The following STRN3 variants were observed in gnomAD, a reference collection of about 807,000 sequenced individuals.
The protein encoded by STRN3 is striatin-3.
In STRN3, 29 loss-of-function variants were observed where a neutral mutation model predicts 95.6. The observed-to-expected ratio is 0.30, with a 90% CI of 0.23 to 0.41. The LOEUF is 0.41. Among genes scored for constraint, STRN3 ranks in the 10% least tolerant of loss-of-function variants. The pLI is 1.00. For synonymous variants in STRN3, 331 were observed against 357.6 expected (o/e 0.93, Z 0.84); for missense variants, 890 against 972.1 (o/e 0.92, Z 1.12).
rs1268533628 is a variant in STRN3 at position 30,960,093 on chromosome 14, T to TG, written c.283-3852dup. ...AGATGGGCCGAGTACAGGGGGCTCA[T>TG]GCCTATAATCCTAGCACTCTGGGAG... On this transcript the variant is annotated intron_variant, in intron 1 of 17. Transcript: ENST00000357479. Among the ~76,000 whole-genome samples, 18 of 152,178 alleles carry TG rather than the reference T, an allele frequency of 1.2e-4. No homozygotes were observed. The East Asian group carries it at 3.5e-3, about 29-fold the overall frequency.
At chr14:30,965,995 C>G (rs2139177671) in intron 1 of STRN3, among the ~76,000 whole-genome samples, 2 of 152,238 alleles carry the variant, frequency 1.3e-5, no homozygotes, top group South Asian at 4.2e-4. Flanking sequence ...CCTACTCCAC[C>G]CTGACTCACC....
intron 1 of STRN3, chr14:31,025,665 G>A (rs1263507605): frequency 6.4e-6 from 4 of 622,298 alleles, no homozygotes; most frequent in Non-Finnish European, 1.1e-5. Flanking sequence ...AGCCAAAATG[G>A]CTGCCCCGAG....
intron 1 of STRN3, among the ~76,000 whole-genome samples, chr14:30,968,376 A>T (rs1257652209): frequency 1.1e-5 from 1 of 93,118 alleles, no homozygotes; most frequent in Non-Finnish European, 2.1e-5. Flanking sequence ...AAATAAGATT[A>T]ACTGGTTTAA....
chr14:30,908,396 ACTTTT>A (rs1896522765), intron 13 of STRN3, among the ~76,000 whole-genome samples: 1 of 152,148 alleles, frequency 6.6e-6, no homozygotes. Context: ...CAAATTTAAT[ACTTTT>A]CTTTGATGAT....
rs555728241 is a variant in STRN3 at position 31,025,400 on chromosome 14, G to A, written c.282+504C>T. On this transcript the variant is annotated intron_variant, in intron 1 of 17. Transcript: ENST00000357479. The stretch of plus-strand genomic sequence containing the variant: ...CCCAGGAAAGAAGCGTGGCTGTCAA[G>A]GGGCAAGCGCGTACCAAGTCTGAGG... The A allele has an allele frequency of 9.1e-4, 153 of 168,934 alleles. 1 individual carries two copies. In the Middle Eastern group the frequency reaches 0.022, roughly 25 times the overall value. 10.5% of individuals were successfully genotyped at this position (168,934 alleles called of 1,614,324 possible).
At chr14:31,002,323 T>C (rs565599583) in intron 1 of STRN3, among the ~76,000 whole-genome samples, 36 of 151,442 alleles carry the variant, frequency 2.4e-4, no homozygotes, top group African/African-American at 8.0e-4. Context: ...AATACAAAAA[T>C]TAGCTGGGTG....
chr14:31,018,083 TAA>T (rs11438099), intron 1 of STRN3, among the ~76,000 whole-genome samples: 22 of 128,506 alleles, frequency 1.7e-4, no homozygotes, highest in Admixed American at 4.1e-4. Flanking sequence ...TGCCTCAATT[TAA>T]AAAAAAAAAA....
At chr14:31,001,955 G>T (rs146843894) in intron 1 of STRN3, among the ~76,000 whole-genome samples, 1 of 151,304 alleles carries the variant, frequency 6.6e-6, no homozygotes, top group East Asian at 2.0e-4. Flanking sequence ...ACCTGAGGTC[G>T]GGAGTTTGAG....
intron 1 of STRN3, among the ~76,000 whole-genome samples, chr14:31,013,174 G>A (rs1883049521): frequency 6.6e-6 from 1 of 151,600 alleles, no homozygotes; most frequent in African/African-American, 2.4e-5. Flanking sequence ...GCTGAGGTGG[G>A]AGGATAACAC....
intron 5 of STRN3, among the ~76,000 whole-genome samples, chr14:30,938,791 A>T (rs1253307857): frequency 6.6e-6 from 1 of 152,226 alleles, no homozygotes; most frequent in Non-Finnish European, 1.5e-5. Flanking sequence ...AAACAATAAA[A>T]AATGGGGAAA....
intron 4 of STRN3, among the ~76,000 whole-genome samples, chr14:30,950,562 T>C (rs1879588444): frequency 6.6e-6 from 1 of 152,198 alleles, no homozygotes; most frequent in African/African-American, 2.4e-5. Flanking sequence ...AAAAGAAATG[T>C]GTGAATTCTG....
intron 5 of STRN3, among the ~76,000 whole-genome samples, chr14:30,942,366 CTATT>C (rs1879135937): frequency 6.6e-6 from 1 of 152,156 alleles, no homozygotes; most frequent in Non-Finnish European, 1.5e-5. Context: ...TCTTTGCCAA[CTATT>C]TATTTACTAC....
intron 1 of STRN3, among the ~76,000 whole-genome samples, chr14:30,983,180 T>C (rs1212829106): frequency 2.0e-5 from 3 of 152,202 alleles, no homozygotes; most frequent in East Asian, 3.9e-4. Flanking sequence ...AATGACCATA[T>C]GTGTGCAATC....
chr14:30,945,836 T>C (rs1022523021), intron 5 of STRN3, among the ~76,000 whole-genome samples: 1 of 151,890 alleles, frequency 6.6e-6, no homozygotes, highest in African/African-American at 2.4e-5. Flanking sequence ...TAGCCCAGGG[T>C]TGGGAGATAG....
intron 9 of STRN3, among the ~76,000 whole-genome samples, chr14:30,916,056 A>T (rs1242654743): frequency 6.6e-6 from 1 of 152,164 alleles, no homozygotes; most frequent in Non-Finnish European, 1.5e-5. Context: ...ATTTACACAT[A>T]TATGTGCAAA....
At chr14:30,927,614 T>C (rs1205927607) in intron 8 of STRN3, among the ~76,000 whole-genome samples, 1 of 147,124 alleles carries the variant, frequency 6.8e-6, no homozygotes, top group Non-Finnish European at 1.5e-5. Context: ...AGCTACTTTA[T>C]TTCTTTAAAA....
At chr14:30,953,423 T>C (rs1262327278) in intron 3 of STRN3, among the ~76,000 whole-genome samples, 2 of 152,230 alleles carry the variant, frequency 1.3e-5, no homozygotes, top group Non-Finnish European at 2.9e-5. Flanking sequence ...TCACATTCAG[T>C]TTTAGTTTGC....
chr14:30,933,290 A>AC (rs1566443532), intron 7 of STRN3, among the ~76,000 whole-genome samples: 2 of 150,128 alleles, frequency 1.3e-5, no homozygotes, highest in South Asian at 2.1e-4. Flanking sequence ...TAAAAAAAAA[A>AC]AAAAAAAAAA....
chr14:31,022,162 G>A (rs903927341), intron 1 of STRN3, among the ~76,000 whole-genome samples: 2 of 152,014 alleles, frequency 1.3e-5, no homozygotes, highest in African/African-American at 2.4e-5. Flanking sequence ...TGCAGATCAC[G>A]AGGTCAGGAG....
Sources: gnomAD v4.1 joint callset for allele counts (sites outside exome capture counted in the v4.1 genomes callset) on GRCh38, gnomAD v4.1.1 for gene constraint, MANE v1.5 for transcripts, NCBI Gene and HGNC (gene_info 2026-07-23, HGNC 2026-07-21) for gene names.